The following BSN variants were observed in gnomAD, a reference collection of about 807,000 sequenced individuals.
BSN encodes protein bassoon.
Under a neutral mutation model 264.8 loss-of-function variants are expected in BSN, and 57 were observed. The ratio of observed to expected loss-of-function variants is 0.22; its 90% CI spans 0.17 to 0.27. The LOEUF (loss-of-function observed/expected upper bound fraction) is 0.27. BSN is among the 10% of genes least tolerant of loss of function. BSN has a pLI of 1.00. For missense variants in BSN, 4,615 were observed against 5,232.5 expected, an observed-to-expected ratio of 0.88 and a Z score of 3.64; for synonymous variants, 2,059 against 2,137.3, an observed-to-expected ratio of 0.96 and a Z score of 1.01.
rs145756768 is a variant in BSN at position 49,600,667 on chromosome 3, G to T, written c.225-24308G>T. ...AAAATAAAAAAAATTAGTCGGTTGT[G>T]GTGAAGCGTGCCTGTAATCTCAGCT... On this transcript the variant is annotated intron_variant, in intron 1 of 11. Transcript: ENST00000296452. Among the ~76,000 whole-genome samples the T allele has an allele frequency of 1.3e-3, 199 of 152,184 alleles. 2 individuals carry two copies. The highest frequency in any genetic ancestry group is 4.6e-3 in the African/African-American group (191 of 41,522).
rs746076613 is a variant in BSN at position 49,653,613 on chromosome 3, C to T, written c.4057C>T (p.Pro1353Ser). Residue 1353 changes from proline (P) to serine (S), a missense_variant, in exon 5 of 12, where the codon CCC (proline) becomes TCC (serine). Pro to Ser is a moderately conservative substitution (Grantham distance 74, BLOSUM62 -1). Transcript: ENST00000296452. This position sits in a 1 kb window ranked among gnomAD's most constrained non-coding sequence, Gnocchi z 6.3. ...TQHFAKETQD[P>S]LKLHSSPASP... Reference sequence around the variant, plus strand: ...GCATTTTGCAAAGGAGACTCAGGACCCCCTCAAGCTGCACAGCTCTCCTGC... The same window carrying T: ...GCATTTTGCAAAGGAGACTCAGGACTCCCTCAAGCTGCACAGCTCTCCTGC... 1.2e-6 allele frequency: 2 copies of T among 1,613,636 alleles called. No homozygotes were observed. Among genetic ancestry groups the T allele is most frequent in the South Asian group, 2.2e-5 (2 of 91,076 alleles).
intron 1 of BSN, among the ~76,000 whole-genome samples, chr3:49,567,854 G>A (rs905348333): frequency 6.6e-6 from 1 of 152,194 alleles, no homozygotes; most frequent in Non-Finnish European, 1.5e-5. Context: ...AGACTTGAAG[G>A]CCAGAGATTA....
At chr3:49,621,387 G>A (rs988167822) in intron 1 of BSN, among the ~76,000 whole-genome samples, 2 of 152,160 alleles carry the variant, frequency 1.3e-5, no homozygotes, top group Non-Finnish European at 2.9e-5. Flanking sequence ...TGTAAGGAGT[G>A]GTGTTCTGGG....
intron 1 of BSN, among the ~76,000 whole-genome samples, chr3:49,596,868 G>C (rs1362993280): frequency 6.6e-6 from 1 of 151,990 alleles, no homozygotes; most frequent in Non-Finnish European, 1.5e-5. Flanking sequence ...ATGGGTGTTA[G>C]CTTTTGTCAA....
At chr3:49,610,584 C>CAAA (rs60726552) in intron 1 of BSN, among the ~76,000 whole-genome samples, 33,060 of 70,624 alleles carry the variant, frequency 0.47, 9,067 homozygotes, top group East Asian at 0.87. Flanking sequence ...AATTTCATCT[C>CAAA]AAAAAAAAAA....
At chr3:49,645,505 C>T (rs1238381432) in intron 3 of BSN, among the ~76,000 whole-genome samples, 3 of 152,190 alleles carry the variant, frequency 2.0e-5, no homozygotes, top group Non-Finnish European at 4.4e-5. Flanking sequence ...AGAATCTGGC[C>T]TCTCTCCCAC....
chr3:49,577,480 C>G (rs907738716), intron 1 of BSN, among the ~76,000 whole-genome samples: 1 of 151,958 alleles, frequency 6.6e-6, no homozygotes, highest in African/African-American at 2.4e-5. Context: ...AGGTCCTAGC[C>G]TTGCTGCCTG....
chr3:49,650,248 C>T (rs1023313485), intron 3 of BSN, among the ~76,000 whole-genome samples: 1 of 152,222 alleles, frequency 6.6e-6, no homozygotes, highest in Non-Finnish European at 1.5e-5. Context: ...CATACCAGCC[C>T]ACTAGGAGCC....
chr3:49,558,486 C>T (rs571621746), intron 1 of BSN, among the ~76,000 whole-genome samples: 1 of 152,360 alleles, frequency 6.6e-6, no homozygotes, highest in East Asian at 1.9e-4. Flanking sequence ...CTCTGAGAAC[C>T]ATACCCCGAA....
At chr3:49,621,177 G>T (rs2052302871) in intron 1 of BSN, among the ~76,000 whole-genome samples, 1 of 152,158 alleles carries the variant, frequency 6.6e-6, no homozygotes, top group Admixed American at 6.5e-5. Context: ...ATGCCTACAG[G>T]GCATCTCTGT....
intron 1 of BSN, among the ~76,000 whole-genome samples, chr3:49,577,755 G>T (rs1316569323): frequency 1.3e-5 from 2 of 151,870 alleles, no homozygotes; most frequent in Admixed American, 6.6e-5. Context: ...GCCCAGGCTG[G>T]TCTCAAACTC....
chr3:49,608,361 G>A (rs1160478219), intron 1 of BSN, among the ~76,000 whole-genome samples: 1 of 152,210 alleles, frequency 6.6e-6, no homozygotes, highest in Non-Finnish European at 1.5e-5. Flanking sequence ...CATGGACACG[G>A]TAATGTCAAA....
In BSN at chr3:49,668,534, T is replaced by C. The variant is rs1472481656; in HGVS notation, c.*1049T>C. 1 of 152,554 alleles carries C rather than the reference T, an allele frequency of 6.6e-6. No homozygotes were observed. The highest frequency in any genetic ancestry group is 1.5e-5 in the Non-Finnish European group (1 of 68,032). The allele number at this position is 152,554 out of a possible 1,614,324, so 9.5% of individuals were successfully genotyped here. A position where few individuals can be genotyped will look rare whatever the true frequency, so the allele number is the denominator to read the frequency against. ...GCCCCTGCTCAGCACAGGGAGAATGTTGACTTAGAAGCAATAGGGGGCAGC... is the reference window on the plus strand; with the variant it reads ...GCCCCTGCTCAGCACAGGGAGAATGCTGACTTAGAAGCAATAGGGGGCAGC... On this transcript the variant is annotated 3_prime_UTR_variant, in exon 12 of 12. Transcript: ENST00000296452.
chr3:49,664,548 A>T lies in BSN; in HGVS notation c.11734A>T (p.Thr3912Ser). 6.2e-7 allele frequency: 1 copy of T among 1,603,940 alleles called. No individual in the cohort carries two copies. The highest frequency in any genetic ancestry group is 1.3e-5 in the African/African-American group (1 of 74,910). ...GGAAEQAGKL[T>S]EAVSAFGKKF... Reference sequence around the variant, plus strand: ...GGCAGCCGAGCAAGCTGGCAAACTGACGGAAGGTATGCACTGCCTGCAACT... The same window carrying T: ...GGCAGCCGAGCAAGCTGGCAAACTGTCGGAAGGTATGCACTGCCTGCAACT... Residue 3912 changes from threonine to serine, a missense_variant, in exon 9 of 12, where the codon ACG becomes TCG. Physicochemically the swap from Thr to Ser is moderately conservative, Grantham distance 58. Coordinates refer to ENST00000296452, the MANE Select transcript of BSN (RefSeq NM_003458.4).
chr3:49,574,612 T>C (rs1361306344), intron 1 of BSN, among the ~76,000 whole-genome samples: 1 of 150,124 alleles, frequency 6.7e-6, no homozygotes, highest in African/African-American at 2.4e-5. Context: ...TTATGTGTTT[T>C]TAGTAGAGGT....
Position 49,653,675 on chromosome 3 carries a change from C to G in BSN, c.4119C>G (p.Pro1373=). 1 of 1,613,720 alleles carries G rather than the reference C, an allele frequency of 6.2e-7. No individual in the cohort carries two copies. Among genetic ancestry groups the G allele is most frequent in the Non-Finnish European group, 8.5e-7 (1 of 1,179,880 alleles). ...PSSASKEIGM[P]FSQGPGTPAT... ...CAGCCTCCAAGGAGATAGGCATGCC[C>G]TTTTCCCAGGGCCCTGGGACCCCAG... Residue 1373 remains proline, a synonymous_variant, in exon 5 of 12, where the codon CCC becomes CCG. Transcript: ENST00000296452. This position sits in a 1 kb window ranked among gnomAD's most constrained non-coding sequence, Gnocchi z 6.3.
At chr3:49,593,636 G>C (rs769527444) in intron 1 of BSN, among the ~76,000 whole-genome samples, 1 of 151,962 alleles carries the variant, frequency 6.6e-6, no homozygotes, top group Non-Finnish European at 1.5e-5. Flanking sequence ...TTTCCATAAT[G>C]GCTAATGATG....
intron 2 of BSN, among the ~76,000 whole-genome samples, chr3:49,639,273 A>G (rs2052443245): frequency 7.0e-6 from 1 of 142,878 alleles, no homozygotes; most frequent in Non-Finnish European, 1.5e-5. Context: ...ATCTCGGCTC[A>G]CTACAACCTC....
rs200764425 is a variant in BSN, at chr3:49,625,037, C to T, written c.287C>T (p.Pro96Leu). Residue 96 changes from proline to leucine, a missense_variant, in exon 2 of 12, where the codon CCG (proline) becomes CTG (leucine). Pro to Leu is a moderately conservative substitution (Grantham distance 98). Transcript: ENST00000296452. The surrounding 1 kb of genome is among the most constrained non-coding windows in gnomAD (Gnocchi z 4.4). ...LGNQRAASPT[P>L]KQASATTPGH... ...AACCAGAGAGCAGCTTCCCCAACTC[C>T]GAAGCAGGCTTCTGCTACCACTCCT... 1.4e-4 allele frequency: 224 copies of T among 1,588,760 alleles called. No homozygotes were observed. The highest frequency in any genetic ancestry group is 1.8e-4 in the Non-Finnish European group (211 of 1,170,124).
Sources: gnomAD v4.1 joint callset for allele counts (sites outside exome capture counted in the v4.1 genomes callset) on GRCh38, gnomAD v4.1.1 for gene constraint, Gnocchi (gnomAD v3.1) non-coding constraint, MANE v1.5 for transcripts, NCBI Gene and HGNC (gene_info 2026-07-23, HGNC 2026-07-21) for gene names.